RYR3: variants seen among roughly 807,000 people sequenced by gnomAD.
RYR3 encodes the protein brain ryanodine receptor-calcium release channel.
A neutral mutation model predicts 584.3 loss-of-function variants in RYR3; 207 were observed. The ratio of observed to expected loss-of-function variants is 0.35; its 90% CI spans 0.32 to 0.40. The LOEUF (loss-of-function observed/expected upper bound fraction) is 0.40, where lower values mean the gene tolerates loss of function less well. RYR3 is among the 10% of genes least tolerant of loss of function. RYR3 has a pLI of 1.00. For synonymous variants in RYR3, 2,416 were observed against 2,248.5 expected (o/e 1.07, Z -2.11); for missense variants, 5,616 against 6,089.2 (o/e 0.92, Z 2.59).
chr15:33,742,594 G>C, intron 52 of RYR3, 150 bp downstream of exon 52: 2 of 620,194 alleles, frequency 3.2e-6, no homozygotes. Context: ...CAATTTCCCA[G>C]GGTTGGTGGA....
At chr15:33,861,030 G>A (rs1215715362) in intron 101 of RYR3, 48 bp from the exon 102 acceptor site, 6 of 1,327,372 alleles carry the variant, frequency 4.5e-6, no homozygotes, top group Non-Finnish European at 6.4e-6. Context: ...TTTCTCTCCT[G>A]CCTATATTAT....
chr15:33,669,332 ATTC>A lies in RYR3; in HGVS notation c.5620-17_5620-15del, dbSNP rs981366299. 3 of 1,606,208 alleles carry A rather than the reference ATTC, an allele frequency of 1.9e-6. No individual in the cohort carries two copies. Among genetic ancestry groups the A allele is most frequent in the South Asian group, 2.2e-5 (2 of 90,884 alleles). On this transcript the variant is annotated intron_variant, in intron 36 of 103. Transcript: ENST00000634891. Reference sequence around the variant, plus strand: ...GGCCAACATTGAGAACCAACTAGCTATTCTTCTCTTGCCTCTCAAAGATCAACA... The same window carrying A: ...GGCCAACATTGAGAACCAACTAGCTATTCTCTTGCCTCTCAAAGATCAACA...
At chr15:33,661,552 G>A (rs2063163840) in intron 34 of RYR3, among the ~76,000 whole-genome samples, 1 of 152,078 alleles carries the variant, frequency 6.6e-6, no homozygotes, top group South Asian at 2.1e-4. Context: ...GGTGGGTGAG[G>A]CTGGGGGAGG....
chr15:33,379,687 C>CTCTCTCTCTCTCTCTCTATATA, intron 1 of RYR3, among the ~76,000 whole-genome samples: 180 of 125,464 alleles, frequency 1.4e-3, no homozygotes, highest in African/African-American at 6.1e-3. Flanking sequence ...CTCTCTCTCT[C>CTCTCTCTCTCTCTCTCTATATA]TATATATATA....
intron 38 of RYR3, among the ~76,000 whole-genome samples, chr15:33,694,339 G>C (rs1050673358): frequency 4.6e-5 from 7 of 151,534 alleles, no homozygotes; most frequent in African/African-American, 1.7e-4. Context: ...CCGCCTCCCG[G>C]GTTCACGCCA....
chr15:33,766,768 G>A (rs944709563), intron 60 of RYR3, among the ~76,000 whole-genome samples: 5 of 152,198 alleles, frequency 3.3e-5, no homozygotes, highest in African/African-American at 7.2e-5. Flanking sequence ...TCGCCCTTGC[G>A]CCACCTTTTC....
chr15:33,316,350 C>G (rs529616988), intron 1 of RYR3, among the ~76,000 whole-genome samples: 11 of 152,312 alleles, frequency 7.2e-5, no homozygotes, highest in Non-Finnish European at 7.4e-5. Context: ...CCATCATCTT[C>G]TAATTGACTT....
chr15:33,550,976 G>C (rs574102500), intron 10 of RYR3, among the ~76,000 whole-genome samples: 1 of 152,162 alleles, frequency 6.6e-6, no homozygotes, highest in South Asian at 2.1e-4. Context: ...CTGGTAGTTA[G>C]GTTAACCTCG....
chr15:33,626,239 T>C (rs767857073), intron 20 of RYR3, among the ~76,000 whole-genome samples: 2 of 152,236 alleles, frequency 1.3e-5, no homozygotes, highest in African/African-American at 4.8e-5. Context: ...AAAGTGCTGA[T>C]AGTTATATAG....
At chr15:33,418,196 A>AT (rs2043963588) in intron 1 of RYR3, among the ~76,000 whole-genome samples, 1 of 152,082 alleles carries the variant, frequency 6.6e-6, no homozygotes, top group Non-Finnish European at 1.5e-5. Flanking sequence ...GTTTTATAGA[A>AT]TGAGTTAGAG....
At chr15:33,423,880 T>G (rs1159742419) in intron 1 of RYR3, among the ~76,000 whole-genome samples, 1 of 152,214 alleles carries the variant, frequency 6.6e-6, no homozygotes, top group Non-Finnish European at 1.5e-5. Flanking sequence ...AGTTGAAGCA[T>G]TCTTCTAAAA....
chr15:33,767,403 G>A (rs1229443813), intron 60 of RYR3, among the ~76,000 whole-genome samples: 1 of 152,208 alleles, frequency 6.6e-6, no homozygotes, highest in African/African-American at 2.4e-5. Context: ...AACTTATTGT[G>A]TGTTCTCTTA....
intron 42 of RYR3, among the ~76,000 whole-genome samples, 188 bp downstream of exon 42, chr15:33,701,268 A>ATCCCTTGGCT (rs2066283085): frequency 1.3e-5 from 2 of 152,288 alleles, no homozygotes; most frequent in Admixed American, 1.3e-4. Context: ...ATCTCCTGTG[A>ATCCCTTGGCT]ACACAGGTAG....
chr15:33,655,528 C>T (rs533251952), intron 32 of RYR3, among the ~76,000 whole-genome samples: 2 of 152,198 alleles, frequency 1.3e-5, no homozygotes, highest in Admixed American at 1.3e-4. Context: ...AGCTTTAGCC[C>T]ACCTTTCACC....
At chr15:33,780,012 A>G (rs2074286111) in intron 64 of RYR3, among the ~76,000 whole-genome samples, 199 bp from the exon 65 acceptor site, 1 of 151,998 alleles carries the variant, frequency 6.6e-6, no homozygotes, top group Non-Finnish European at 1.5e-5. Flanking sequence ...CTCCGTCTCA[A>G]AAAAAAAGAA....
chr15:33,706,935 C>T lies in RYR3; in HGVS notation c.6500C>T (p.Ala2167Val), dbSNP rs1048072443. 2 of 1,608,104 alleles carry T rather than the reference C, an allele frequency of 1.2e-6. No individual in the cohort carries two copies. The highest frequency in any genetic ancestry group is 1.7e-6 in the Non-Finnish European group (2 of 1,176,940). ...PDLEKVVTYL[A>V]GCGLQSCPML... ...TTCTGGCAGGTGGTGACCTACTTGG[C>T]AGGCTGTGGCCTACAGAGCTGCCCC... is the stretch of plus-strand genomic sequence containing the variant. The change falls in exon 43 of 104, where the codon GCA becomes GTA. Residue 2167 changes from alanine (A) to valine (V), a missense_variant. Physicochemically the swap from Ala to Val is moderately conservative, Grantham distance 64. This residue lies in a region of RYR3 where 1,280 missense variants were observed against 1,426.2 expected (regional missense o/e 0.90). Transcript: ENST00000634891.
chr15:33,518,923 G>A (rs537582880), intron 3 of RYR3, among the ~76,000 whole-genome samples: 10 of 152,290 alleles, frequency 6.6e-5, no homozygotes, highest in East Asian at 1.9e-4. Flanking sequence ...ATGCTGAGGC[G>A]TACCCTTAAG....
At chr15:33,378,829 G>A (rs866728778) in intron 1 of RYR3, among the ~76,000 whole-genome samples, 3 of 152,264 alleles carry the variant, frequency 2.0e-5, no homozygotes, top group Middle Eastern at 3.4e-3. Context: ...GCCAGGCATA[G>A]CTGTGTGTGC....
At position 33,772,081 on chromosome 15, in the gene RYR3, C is replaced by T. The variant is rs1391920382; in HGVS notation, c.8978C>T (p.Thr2993Ile). ...GGCGTTTCTCAGAATATTAACTACA[C>T]TACAGTGGCTCTGCTCCCCATCCTG... The part of the protein sequence containing the change: ...IKGVSQNINY[T>I]TVALLPILTS... The change falls in exon 63 of 104, where the codon ACT becomes ATT. Residue 2993 changes from threonine (T) to isoleucine (I), a missense_variant. By Grantham distance (89) the Thr-to-Ile change is moderately conservative. Around this residue, in one of 9 missense-constraint regions of RYR3, gnomAD observed 954 missense variants for 1,132.2 expected, o/e 0.84. Transcript: ENST00000634891. 1 of 1,613,844 alleles carries T rather than the reference C, an allele frequency of 6.2e-7. No individual in the cohort carries two copies. The highest frequency in any genetic ancestry group is 8.5e-7 in the Non-Finnish European group (1 of 1,179,808).
Sources: allele counts gnomAD v4.1 joint callset (sites outside exome capture counted in the v4.1 genomes callset), GRCh38; gene constraint gnomAD v4.1.1; regional missense constraint gnomAD v4.1.1; transcripts MANE v1.5; gene names NCBI Gene and HGNC (gene_info 2026-07-23, HGNC 2026-07-21).